PTPRR: variants seen among roughly 807,000 people sequenced by gnomAD.
PTPRR encodes the protein protein tyrosine phosphatase receptor type R.
A neutral mutation model predicts 77.2 loss-of-function variants in PTPRR; 38 were observed. The ratio of observed to expected loss-of-function variants is 0.49; its 90% CI spans 0.38 to 0.65. The LOEUF (loss-of-function observed/expected upper bound fraction) is 0.65. Ranked by LOEUF, PTPRR falls within the 30% of genes least tolerant of loss-of-function variation. The pLI, the probability that PTPRR is intolerant of heterozygous loss-of-function variation, is 0.00. For synonymous variants in PTPRR, 299 were observed against 283.1 expected, an observed-to-expected ratio of 1.06 and a Z score of -0.57; for missense variants, 744 against 799.2, an observed-to-expected ratio of 0.93 and a Z score of 0.83.
chr12:70,819,072 G>A (rs1891959377), intron 2 of PTPRR, among the ~76,000 whole-genome samples: 1 of 152,200 alleles, frequency 6.6e-6, no homozygotes, highest in Non-Finnish European at 1.5e-5. Context: ...TGTAATCCCG[G>A]CATTTTGGGA....
intron 2 of PTPRR, among the ~76,000 whole-genome samples, chr12:70,843,474 G>A (rs909972101): frequency 2.0e-5 from 3 of 152,090 alleles, no homozygotes; most frequent in East Asian, 3.9e-4. Flanking sequence ...ACCATAGAAG[G>A]TAACCTATCT....
In PTPRR at chr12:70,763,296, T is replaced by A. The variant is rs569620789; in HGVS notation, c.471+1369A>T. Among the ~76,000 whole-genome samples the A allele has an allele frequency of 9.5e-4, 144 of 152,036 alleles. 1 individual carries two copies. Among genetic ancestry groups the A allele is most frequent in the African/African-American group, 3.4e-3 (140 of 41,476 alleles). ...GATGCCTGCCACCATGCCCGGCCAATTTTTTGTATTTTAAGTAGTAGAGAT... is the reference window on the plus strand; with the variant it reads ...GATGCCTGCCACCATGCCCGGCCAAATTTTTGTATTTTAAGTAGTAGAGAT... On this transcript the variant is annotated intron_variant, in intron 3 of 13. Transcript: ENST00000283228.
intron 10 of PTPRR, among the ~76,000 whole-genome samples, chr12:70,680,949 C>T (rs1437798479): frequency 3.3e-5 from 5 of 151,906 alleles, no homozygotes; most frequent in South Asian, 2.1e-4. Context: ...ATGCTGACTG[C>T]TCATGAGGCC....
intron 2 of PTPRR, among the ~76,000 whole-genome samples, chr12:70,888,421 T>C (rs1893279044): frequency 6.6e-6 from 1 of 152,226 alleles, no homozygotes; most frequent in Admixed American, 6.5e-5. Context: ...CTCTATGATT[T>C]CTACTTTTCC....
intron 1 of PTPRR, among the ~76,000 whole-genome samples, chr12:70,896,481 C>A (rs1208579958): frequency 6.6e-6 from 1 of 151,466 alleles, no homozygotes; most frequent in Non-Finnish European, 1.5e-5. Flanking sequence ...TATACTGGGC[C>A]ATAAAATAAC....
intron 2 of PTPRR, among the ~76,000 whole-genome samples, chr12:70,837,974 A>G (rs1253958918): frequency 6.6e-6 from 1 of 152,134 alleles, no homozygotes; most frequent in Non-Finnish European, 1.5e-5. Context: ...ATGCCAGGAA[A>G]TGAGGACAAA....
intron 1 of PTPRR, among the ~76,000 whole-genome samples, chr12:70,919,672 TG>T (rs1474526462): frequency 8.3e-6 from 1 of 120,674 alleles, no homozygotes; most frequent in East Asian, 2.4e-4. Flanking sequence ...GAACTGTAAT[TG>T]TTTTTTTTTT....
intron 10 of PTPRR, among the ~76,000 whole-genome samples, chr12:70,682,264 C>T (rs950364802): frequency 2.0e-5 from 3 of 151,354 alleles, no homozygotes; most frequent in East Asian, 1.9e-4. Flanking sequence ...AGGATGGTCT[C>T]GATCTCCTGA....
At chr12:70,811,575 C>T (rs781077307) in intron 2 of PTPRR, among the ~76,000 whole-genome samples, 1 of 152,198 alleles carries the variant, frequency 6.6e-6, no homozygotes, top group Non-Finnish European at 1.5e-5. Flanking sequence ...ACTCAGGCAA[C>T]GCTGGTCTCC....
intron 2 of PTPRR, among the ~76,000 whole-genome samples, chr12:70,792,671 G>A (rs1334260611): frequency 6.6e-6 from 1 of 152,000 alleles, no homozygotes; most frequent in Non-Finnish European, 1.5e-5. Flanking sequence ...ACTAAATTTT[G>A]TACCCATGCT....
intron 2 of PTPRR, among the ~76,000 whole-genome samples, chr12:70,820,786 G>C (rs1354321245): frequency 1.3e-5 from 2 of 152,140 alleles, no homozygotes; most frequent in Admixed American, 1.3e-4. Context: ...CTTTACCTTT[G>C]AGTCCTTAGC....
At chr12:70,893,196 G>A (rs1592819412) in intron 1 of PTPRR, among the ~76,000 whole-genome samples, 1 of 151,800 alleles carries the variant, frequency 6.6e-6, no homozygotes, top group East Asian at 1.9e-4. Flanking sequence ...ATAAAAGTGG[G>A]CGTACTTTGA....
intron 2 of PTPRR, among the ~76,000 whole-genome samples, chr12:70,798,977 A>G (rs1891565287): frequency 6.6e-6 from 1 of 152,154 alleles, no homozygotes; most frequent in African/African-American, 2.4e-5. Flanking sequence ...GGCAAACAGA[A>G]AATAATAAAA....
chr12:70,745,770 C>G, intron 6 of PTPRR, 48 bp downstream of exon 6: 6 of 1,563,340 alleles, frequency 3.8e-6, no homozygotes, highest in Non-Finnish European at 5.2e-6. Context: ...TTGATGAATA[C>G]TCTTTTTATA....
At chr12:70,788,685 A>G in intron 2 of PTPRR, 1 of 700,862 alleles carries the variant, frequency 1.4e-6, no homozygotes, top group East Asian at 2.8e-5. Context: ...CCTAGATATC[A>G]CATAAGTTCT....
intron 2 of PTPRR, among the ~76,000 whole-genome samples, chr12:70,769,812 A>T (rs1462579662): frequency 6.6e-6 from 1 of 152,056 alleles, no homozygotes; most frequent in East Asian, 1.9e-4. Context: ...CAAAACAGAG[A>T]TATAGATCAA....
chr12:70,713,403 G>T (rs890867107), intron 6 of PTPRR, among the ~76,000 whole-genome samples: 3 of 152,018 alleles, frequency 2.0e-5, no homozygotes. Context: ...TTTCTTTTGG[G>T]TATACACCTA....
At chr12:70,835,635 C>T (rs1892287455) in intron 2 of PTPRR, among the ~76,000 whole-genome samples, 1 of 152,104 alleles carries the variant, frequency 6.6e-6, no homozygotes, top group African/African-American at 2.4e-5. Flanking sequence ...GTAGAGCACA[C>T]ATGTTTCTCT....
intron 1 of PTPRR, among the ~76,000 whole-genome samples, chr12:70,906,192 CTG>C (rs1340060221): frequency 5.3e-5 from 8 of 151,964 alleles, no homozygotes; most frequent in Non-Finnish European, 8.8e-5. Context: ...CTCTTCTCGT[CTG>C]TGTTAGCTCA....
Sources: allele counts gnomAD v4.1 joint callset (sites outside exome capture counted in the v4.1 genomes callset), GRCh38; gene constraint gnomAD v4.1.1; transcripts MANE v1.5; gene names NCBI Gene and HGNC (gene_info 2026-07-23, HGNC 2026-07-21).